VDAC2: variants seen among roughly 807,000 people sequenced by gnomAD.
The protein encoded by VDAC2 is non-selective voltage-gated ion channel VDAC2.
VDAC2 carries 6 observed loss-of-function variants against 36.6 expected under a neutral mutation model. The observed-to-expected ratio is 0.16, with a 90% CI of 0.09 to 0.32. The LOEUF is 0.32. VDAC2 is among the 10% of genes least tolerant of loss of function. VDAC2 has a pLI of 1.00. For missense variants in VDAC2, 247 were observed against 346.0 expected, an observed-to-expected ratio of 0.71 and a Z score of 2.27; for synonymous variants, 109 against 123.8, an observed-to-expected ratio of 0.88 and a Z score of 0.79.
At chr10:75,230,843 G>A (rs2132288226) in intron 9 of VDAC2, 55 bp from the exon 10 acceptor site, 7 of 1,495,236 alleles carry the variant, frequency 4.7e-6, no homozygotes, top group Non-Finnish European at 6.5e-6. Flanking sequence ...CCCAGACTGA[G>A]TGACGTGCCA....
At chr10:75,211,922 A>G (rs947726231) in intron 2 of VDAC2, among the ~76,000 whole-genome samples, 2 of 152,230 alleles carry the variant, frequency 1.3e-5, no homozygotes, top group African/African-American at 4.8e-5. Context: ...CCATACACAC[A>G]AATACTTGTT....
upstream of VDAC2, chr10:75,210,218 A>G (rs1366413558): frequency 1.3e-5 from 2 of 152,582 alleles, no homozygotes; most frequent in Non-Finnish European, 2.9e-5. Context: ...CCAAGGTGGG[A>G]AAAGAGGGCA....
chr10:75,210,446 G>A (rs1188545404), upstream of VDAC2, among the ~76,000 whole-genome samples: 1 of 152,234 alleles, frequency 6.6e-6, no homozygotes, highest in African/African-American at 2.4e-5. Context: ...ACGTGACCCT[G>A]GTGCGCAGCC....
chr10:75,220,028 G>A (rs141635654), intron 6 of VDAC2, among the ~76,000 whole-genome samples: 257 of 150,906 alleles, frequency 1.7e-3, no homozygotes, highest in African/African-American at 3.4e-3. Flanking sequence ...GGGTTTCACC[G>A]TGTTGATCAG....
chr10:75,225,386 A>G (rs1339243513), intron 8 of VDAC2, among the ~76,000 whole-genome samples: 1 of 152,224 alleles, frequency 6.6e-6, no homozygotes, highest in East Asian at 1.9e-4. Flanking sequence ...AGTGGATTTG[A>G]GCTCCATTTG....
intron 4 of VDAC2, among the ~76,000 whole-genome samples, chr10:75,215,632 G>A (rs974964743): frequency 3.9e-5 from 6 of 152,108 alleles, no homozygotes; most frequent in Non-Finnish European, 7.4e-5. Context: ...GATTACAGGC[G>A]TGAGCCACCG....
At chr10:75,212,095 C>A in intron 2 of VDAC2, 135 bp from the exon 3 acceptor site, 1 of 747,958 alleles carries the variant, frequency 1.3e-6, no homozygotes, top group Non-Finnish European at 2.3e-6. Flanking sequence ...TCTATTGTAG[C>A]TCCTGACCGC....
At position 75,214,205 on chromosome 10, in the gene VDAC2, G is replaced by A. The variant is rs111823122; in HGVS notation, c.150+135G>A. ...GTTAACTTTGTTTTAAGAGATTTGCGTGTAACCTGATTTATTTTGGCCTTG... is the reference window on the plus strand; with the variant it reads ...GTTAACTTTGTTTTAAGAGATTTGCATGTAACCTGATTTATTTTGGCCTTG... On this transcript the variant is annotated intron_variant, in intron 4 of 9. Transcript: ENST00000332211. The A allele has an allele frequency of 7.3e-4, 630 of 867,334 alleles. 1 individual carries two copies. In the African/African-American group the frequency reaches 9.3e-3, roughly 13 times the overall value. 53.7% of individuals were successfully genotyped at this position (867,334 alleles called of 1,614,324 possible). A position where few individuals can be genotyped will look rare whatever the true frequency, so the allele number is the denominator to read the frequency against.
intron 9 of VDAC2, among the ~76,000 whole-genome samples, 179 bp from the exon 10 acceptor site, chr10:75,230,719 A>G (rs1277308393): frequency 6.6e-6 from 1 of 152,228 alleles, no homozygotes; most frequent in Non-Finnish European, 1.5e-5. Flanking sequence ...ATGGTAACCC[A>G]GTTCTTCTGG....
chr10:75,227,823 G>C (rs371968809), intron 8 of VDAC2, among the ~76,000 whole-genome samples: 189 of 151,444 alleles, frequency 1.2e-3, no homozygotes, highest in African/African-American at 4.4e-3. Context: ...CTGACCTTGT[G>C]ATCCTCCCAA....
At chr10:75,216,651 C>T (rs1310939993) in intron 4 of VDAC2, among the ~76,000 whole-genome samples, 1 of 152,130 alleles carries the variant, frequency 6.6e-6, no homozygotes, top group Non-Finnish European at 1.5e-5. Flanking sequence ...CAACTCTGGT[C>T]CCACAGGGTG....
intron 8 of VDAC2, among the ~76,000 whole-genome samples, chr10:75,224,304 C>T (rs756879102): frequency 6.6e-6 from 1 of 152,130 alleles, no homozygotes; most frequent in Non-Finnish European, 1.5e-5. Context: ...GTCACAGAAG[C>T]ATTCTGTGTT....
chr10:75,216,602 A>C (rs1841612609), intron 4 of VDAC2, among the ~76,000 whole-genome samples: 1 of 152,196 alleles, frequency 6.6e-6, no homozygotes, highest in Non-Finnish European at 1.5e-5. Flanking sequence ...GTAGAAGCCA[A>C]AATTTCTGGT....
At chr10:75,223,664 T>A (rs931857993) in intron 8 of VDAC2, among the ~76,000 whole-genome samples, 3 of 152,174 alleles carry the variant, frequency 2.0e-5, no homozygotes, top group Non-Finnish European at 2.9e-5. Context: ...CCGAAAGTAT[T>A]AAGTATCTTT....
chr10:75,220,653 T>TA, intron 6 of VDAC2, 90 bp from the exon 7 acceptor site: 5 of 1,080,596 alleles, frequency 4.6e-6, no homozygotes, highest in Non-Finnish European at 6.8e-6. Context: ...TCCCTGGTCA[T>TA]ACTGCAGTTT....
chr10:75,210,934 A>G lies in VDAC2; in HGVS notation c.-30A>G, dbSNP rs983814818. ...TGGCGGCGGCCCCCCTCAGGACACC[A>G]CCAGGTACCGCCGCGCCCGCCTCAC... is the stretch of plus-strand genomic sequence containing the variant. On this transcript the variant is annotated 5_prime_UTR_variant, in exon 1 of 10. Coordinates refer to ENST00000332211, the MANE Select transcript of VDAC2 (RefSeq NM_001391963.1). 4.3e-4 allele frequency: 193 copies of G among 444,142 alleles called. 1 individual carries two copies. The highest frequency in any genetic ancestry group is 3.5e-3 in the African/African-American group (171 of 48,394). 27.5% of individuals were successfully genotyped at this position (444,142 alleles called of 1,614,324 possible).
At chr10:75,214,470 C>T (rs1311537076) in intron 4 of VDAC2, among the ~76,000 whole-genome samples, 1 of 152,158 alleles carries the variant, frequency 6.6e-6, no homozygotes, top group African/African-American at 2.4e-5. Flanking sequence ...CATTTTCTAG[C>T]AGTTCTCCCT....
rs1222733789 is a variant in VDAC2 at position 75,211,608 on chromosome 10, T to A, written c.31+419T>A. 1 of 1,550,472 alleles carries A rather than the reference T, an allele frequency of 6.4e-7. No homozygotes were observed. The highest frequency in any genetic ancestry group is 1.4e-5 in the African/African-American group (1 of 73,038). ...AATGAGCTGGTGTAATGAGCTCAGA[T>A]TGCCTGCCCTTAAGCAGCACAGCAT... On this transcript the variant is annotated intron_variant, in intron 2 of 9. Transcript: ENST00000332211.
chr10:75,221,932 T>A (rs1339965909), intron 7 of VDAC2, among the ~76,000 whole-genome samples: 1 of 152,276 alleles, frequency 6.6e-6, no homozygotes, highest in African/African-American at 2.4e-5. Context: ...TTTGTTAATG[T>A]TGTGGTTCAC....
Sources: allele counts gnomAD v4.1 joint callset (sites outside exome capture counted in the v4.1 genomes callset), GRCh38; gene constraint gnomAD v4.1.1; transcripts MANE v1.5; gene names NCBI Gene and HGNC (gene_info 2026-07-23, HGNC 2026-07-21).